Variants in KANK4 observed in about 807,000 individuals in gnomAD.
The protein encoded by KANK4 is KN motif and ankyrin repeat domains 4, also known as KN motif and ankyrin repeat domain-containing protein 4.
Under a neutral mutation model 80.8 loss-of-function variants are expected in KANK4, and 50 were observed. That is an observed-to-expected ratio of 0.62 (90% CI 0.49 to 0.78). The LOEUF is 0.78. Ranked by LOEUF, KANK4 falls within the 30% of genes least tolerant of loss-of-function variation. The pLI is 0.00. For missense variants in KANK4, 1,196 were observed against 1,240.1 expected (o/e 0.96, Z 0.53); for synonymous variants, 465 against 506.9 (o/e 0.92, Z 1.11).
rs558691547 is a variant in KANK4, at chr1:62,236,436, AT to A, written c.*1840del. On this transcript the variant is annotated 3_prime_UTR_variant, in exon 10 of 10. Transcript: ENST00000371153. Reference sequence around the variant, plus strand: ...AGGTCAAAATAAACTCATTTAAAGCATTTTTTTTCTCATTATTTGCTCCATT... The same window carrying A: ...AGGTCAAAATAAACTCATTTAAAGCATTTTTTTCTCATTATTTGCTCCATT... 4.0e-5 allele frequency among the ~76,000 whole-genome samples: 6 copies of A among 151,850 alleles called. No individual in the cohort carries two copies. Among genetic ancestry groups the A allele is most frequent in the South Asian group, 2.1e-4 (1 of 4,788 alleles).
chr1:62,249,893 C>T (rs1016956956), intron 8 of KANK4, among the ~76,000 whole-genome samples: 2 of 151,952 alleles, frequency 1.3e-5, no homozygotes, highest in African/African-American at 4.8e-5. Context: ...TGCGATGTTG[C>T]CCAGGCTGAT....
In KANK4 at chr1:62,274,133, C is replaced by T; in HGVS notation, c.971G>A (p.Gly324Asp). ...PPVEVDMRSI[G>D]IRVTEESLGL... Reference sequence around the variant, plus strand: ...CAGGCTTTCCTCAGTTACCCTGATGCCAATGCTTCTCATGTCCACCTCTAC... The same window carrying T: ...CAGGCTTTCCTCAGTTACCCTGATGTCAATGCTTCTCATGTCCACCTCTAC... Residue 324 changes from glycine (G) to aspartate (D), a missense_variant, in exon 3 of 10, where the codon GGC (glycine) becomes GAC (aspartate). This residue lies in a region of KANK4 where 1,154 missense variants were observed against 1,179.6 expected (regional missense o/e 0.98). Transcript: ENST00000371153. The T allele has an allele frequency of 6.2e-7, 1 of 1,614,198 alleles. No individual in the cohort carries two copies. Among genetic ancestry groups the T allele is most frequent in the Non-Finnish European group, 8.5e-7 (1 of 1,180,044 alleles).
At chr1:62,316,315 A>G (rs1465781128) in intron 1 of KANK4, among the ~76,000 whole-genome samples, 6 of 152,248 alleles carry the variant, frequency 3.9e-5, no homozygotes, top group Admixed American at 3.9e-4. Flanking sequence ...AACTCTGCCC[A>G]TAATATTTTT....
At position 62,275,033 on chromosome 1, in the gene KANK4, G is replaced by A. The variant is rs548254265; in HGVS notation, c.71C>T (p.Pro24Leu). The change falls in exon 3 of 10, where the codon CCT (proline) becomes CTT (leucine). Residue 24 changes from proline (P) to leucine (L), a missense_variant. Pro to Leu is a moderately conservative substitution (Grantham distance 98, BLOSUM62 -3). This residue lies in a region of KANK4 where 36 missense variants were observed against 34.0 expected (regional missense o/e 1.06). Transcript: ENST00000371153. ...DEEKDPPKSH[P>L]YSVETPYGFH... Reference sequence around the variant, plus strand: ...GCCATATGGGGTCTCCACAGAATAAGGGTGGCTCTTCGGAGGGTCTTTCTC... The same window carrying A: ...GCCATATGGGGTCTCCACAGAATAAAGGTGGCTCTTCGGAGGGTCTTTCTC... 2 of 1,614,038 alleles carry A rather than the reference G, an allele frequency of 1.2e-6. No homozygotes were observed. The highest frequency in any genetic ancestry group is 1.1e-5 in the South Asian group (1 of 91,062).
intron 1 of KANK4, among the ~76,000 whole-genome samples, chr1:62,283,722 G>A (rs896493028): frequency 6.6e-6 from 1 of 152,084 alleles, no homozygotes; most frequent in African/African-American, 2.4e-5. Flanking sequence ...CAGAGGAGGG[G>A]GCCACTTGGG....
intron 6 of KANK4, among the ~76,000 whole-genome samples, chr1:62,265,464 A>T (rs575787671): frequency 2.0e-5 from 3 of 151,746 alleles, no homozygotes; most frequent in Non-Finnish European, 4.4e-5. Flanking sequence ...CTGGTCTCAA[A>T]CTCCTGGGCT....
In KANK4 at chr1:62,263,138, G is replaced by A. The variant is rs775232569; in HGVS notation, c.2493C>T (p.Ser831=). ...CGATGGAGAAGTTGGAGTGGGACACGCTGTAGTGAAGGGCCGTGTTCCCGT... is the reference window on the plus strand; with the variant it reads ...CGATGGAGAAGTTGGAGTGGGACACACTGTAGTGAAGGGCCGTGTTCCCGT... ...DHNGNTALHY[S]VSHSNFSIVK... Residue 831 remains serine, a synonymous_variant, in exon 7 of 10, where the codon AGC becomes AGT. Coordinates refer to ENST00000371153, the MANE Select transcript of KANK4 (RefSeq NM_181712.5). 9.3e-6 allele frequency: 15 copies of A among 1,613,676 alleles called. No individual in the cohort carries two copies. The highest frequency in any genetic ancestry group is 4.5e-5 in the East Asian group (2 of 44,890).
chr1:62,248,463 G>A (rs765221539), intron 8 of KANK4, among the ~76,000 whole-genome samples: 2 of 152,012 alleles, frequency 1.3e-5, no homozygotes, highest in African/African-American at 4.8e-5. Context: ...CAGTCTTCTG[G>A]GATCAAGTGA....
chr1:62,246,188 T>C (rs1671461675), intron 9 of KANK4, among the ~76,000 whole-genome samples: 1 of 152,224 alleles, frequency 6.6e-6, no homozygotes, highest in Non-Finnish European at 1.5e-5. Flanking sequence ...TGGTTACTAT[T>C]GTTACTGATT....
At chr1:62,309,587 C>T (rs1644481372) in intron 1 of KANK4, among the ~76,000 whole-genome samples, 1 of 152,126 alleles carries the variant, frequency 6.6e-6, no homozygotes, top group Non-Finnish European at 1.5e-5. Context: ...TTTAAAAAAG[C>T]TAATTTTATT....
intron 2 of KANK4, among the ~76,000 whole-genome samples, chr1:62,278,330 T>TTTTTTTGAGA (rs1357904964): frequency 8.8e-5 from 2 of 22,758 alleles, no homozygotes; most frequent in African/African-American, 1.1e-3. Flanking sequence ...TCTTCCTTCC[T>TTTTTTTGAGA]TCCTTCCTTC....
intron 1 of KANK4, among the ~76,000 whole-genome samples, chr1:62,318,448 G>A (rs1644560137): frequency 6.6e-6 from 1 of 152,224 alleles, no homozygotes; most frequent in Non-Finnish European, 1.5e-5. Context: ...GAAGGGAAAG[G>A]AGCCCACAGG....
At chr1:62,296,889 C>T (rs1028508444) in intron 1 of KANK4, among the ~76,000 whole-genome samples, 2 of 152,054 alleles carry the variant, frequency 1.3e-5, no homozygotes, top group African/African-American at 2.4e-5. Context: ...TCCCTGTACA[C>T]TCATTTTATA....
intron 1 of KANK4, among the ~76,000 whole-genome samples, chr1:62,312,448 TG>T (rs1359806297): frequency 6.6e-6 from 1 of 152,218 alleles, no homozygotes; most frequent in Non-Finnish European, 1.5e-5. Context: ...GGGAACCCCT[TG>T]GGGCTCTTGA....
intron 7 of KANK4, among the ~76,000 whole-genome samples, 200 bp from the exon 8 acceptor site, chr1:62,253,409 C>CTTTTTTTTTTTTTTTTTTTTTTTTTTTT (rs34488630): frequency 1.8e-5 from 2 of 110,982 alleles, no homozygotes; most frequent in African/African-American, 3.4e-5. Flanking sequence ...TTCTTTCTTT[C>CTTTTTTTTTTTTTTTTTTTTTTTTTTTT]TTTTTTTTTT....
chr1:62,266,979 G>A (rs1378451872), intron 5 of KANK4, among the ~76,000 whole-genome samples, 160 bp from the exon 6 acceptor site: 1 of 152,152 alleles, frequency 6.6e-6, no homozygotes, highest in Non-Finnish European at 1.5e-5. Context: ...GAGTGACCAT[G>A]GTGTGTGCCG....
intron 7 of KANK4, among the ~76,000 whole-genome samples, chr1:62,256,459 C>T (rs1029834205): frequency 1.3e-5 from 2 of 151,686 alleles, no homozygotes; most frequent in Non-Finnish European, 1.5e-5. Flanking sequence ...TATCTCAGCT[C>T]ACTGCGATCT....
At chr1:62,318,502 A>G (rs951639083) in intron 1 of KANK4, among the ~76,000 whole-genome samples, 3 of 152,196 alleles carry the variant, frequency 2.0e-5, no homozygotes, top group African/African-American at 4.8e-5. Flanking sequence ...CGTCTAGAGC[A>G]CTCGGAGCTG....
intron 1 of KANK4, among the ~76,000 whole-genome samples, chr1:62,297,083 G>T (rs1644372475): frequency 6.6e-6 from 1 of 151,884 alleles, no homozygotes; most frequent in East Asian, 2.0e-4. Flanking sequence ...CGGGTGTGGT[G>T]ATGCGCACCG....
Sources: allele counts gnomAD v4.1 joint callset (sites outside exome capture counted in the v4.1 genomes callset), GRCh38; gene constraint gnomAD v4.1.1; regional missense constraint gnomAD v4.1.1; transcripts MANE v1.5; gene names NCBI Gene and HGNC (gene_info 2026-07-23, HGNC 2026-07-21).